The following R3HDM1 variants were observed in gnomAD, a reference collection of about 807,000 sequenced individuals.
The protein encoded by R3HDM1 is R3H domain-containing protein 1.
R3HDM1 carries 46 observed loss-of-function variants against 141.1 expected under a neutral mutation model. The ratio of observed to expected loss-of-function variants is 0.33; its 90% CI spans 0.26 to 0.42. The LOEUF is 0.42. Among genes scored for constraint, R3HDM1 ranks in the 10% least tolerant of loss-of-function variants. The pLI is 1.00. For synonymous variants in R3HDM1, 435 were observed against 472.9 expected (o/e 0.92, Z 1.04); for missense variants, 1,184 against 1,368.3 (o/e 0.87, Z 2.12).
chr2:135,720,943 T>C (rs919501210), intron 24 of R3HDM1, among the ~76,000 whole-genome samples: 1 of 152,210 alleles, frequency 6.6e-6, no homozygotes, highest in African/African-American at 2.4e-5. Flanking sequence ...CCTCAAATGA[T>C]TGGCATGTGT....
intron 1 of R3HDM1, among the ~76,000 whole-genome samples, chr2:135,572,680 G>A (rs747370131): frequency 2.0e-5 from 3 of 152,188 alleles, no homozygotes; most frequent in African/African-American, 4.8e-5. Context: ...AAATGAAAAC[G>A]TGTTCTCACA....
chr2:135,600,434 C>G (rs78304320), intron 1 of R3HDM1, among the ~76,000 whole-genome samples: 339 of 152,242 alleles, frequency 2.2e-3, no homozygotes, highest in African/African-American at 7.8e-3. Flanking sequence ...GAGAAGACAG[C>G]TAACATTTTT....
intron 1 of R3HDM1, among the ~76,000 whole-genome samples, chr2:135,548,538 G>A (rs906228442): frequency 6.6e-6 from 1 of 152,060 alleles, no homozygotes; most frequent in Non-Finnish European, 1.5e-5. Context: ...GAACATTGCT[G>A]TCACCCAAGA....
chr2:135,534,629 C>T (rs1695648055), intron 1 of R3HDM1, among the ~76,000 whole-genome samples: 1 of 152,216 alleles, frequency 6.6e-6, no homozygotes, highest in African/African-American at 2.4e-5. Flanking sequence ...TCAAGACAAG[C>T]TGCACCTTAT....
intron 19 of R3HDM1, among the ~76,000 whole-genome samples, chr2:135,661,678 T>C (rs1432496983): frequency 6.6e-6 from 1 of 152,208 alleles, no homozygotes; most frequent in Admixed American, 6.5e-5. Flanking sequence ...AGATTGAAAC[T>C]GTCTTTGCAG....
intron 19 of R3HDM1, among the ~76,000 whole-genome samples, chr2:135,661,771 T>C (rs2066749330): frequency 6.6e-6 from 1 of 152,154 alleles, no homozygotes; most frequent in Non-Finnish European, 1.5e-5. Context: ...GAAGCAAAGA[T>C]CAAAACCACC....
chr2:135,650,272 T>G (rs1050639175), intron 17 of R3HDM1: 1 of 985,238 alleles, frequency 1.0e-6, no homozygotes, highest in African/African-American at 1.7e-5. Context: ...TCCTAAGATG[T>G]TTTAGCAACT....
intron 3 of R3HDM1, chr2:135,607,957 G>T (rs2105126476): frequency 1.0e-6 from 1 of 983,382 alleles, no homozygotes; most frequent in African/African-American, 1.7e-5. Flanking sequence ...AAGAGAATGT[G>T]AGAATTTATT....
intron 1 of R3HDM1, among the ~76,000 whole-genome samples, chr2:135,563,694 A>G (rs1319670118): frequency 6.6e-6 from 1 of 152,228 alleles, no homozygotes; most frequent in African/African-American, 2.4e-5. Flanking sequence ...ACCAACCACT[A>G]AAAATAAGCT....
At chr2:135,700,828 G>A (rs888603752) in intron 21 of R3HDM1, among the ~76,000 whole-genome samples, 1 of 152,088 alleles carries the variant, frequency 6.6e-6, no homozygotes, top group African/African-American at 2.4e-5. Context: ...ACCTTTTGTG[G>A]GTGATTTCAT....
intron 21 of R3HDM1, among the ~76,000 whole-genome samples, chr2:135,683,058 T>C (rs1356169666): frequency 1.3e-5 from 2 of 152,148 alleles, no homozygotes; most frequent in Non-Finnish European, 2.9e-5. Context: ...ATGAGGCAGA[T>C]AAACTTGAAA....
At chr2:135,695,239 T>G (rs951154440) in intron 21 of R3HDM1, among the ~76,000 whole-genome samples, 1 of 152,212 alleles carries the variant, frequency 6.6e-6, no homozygotes, top group Non-Finnish European at 1.5e-5. Flanking sequence ...CACAATTTAG[T>G]CTTGACTCCA....
intron 23 of R3HDM1, among the ~76,000 whole-genome samples, chr2:135,711,677 A>C (rs1245046611): frequency 1.9e-5 from 2 of 106,394 alleles, no homozygotes; most frequent in African/African-American, 7.0e-5. Context: ...AAAAAAAAAA[A>C]CCCAGGCACA....
chr2:135,534,060 T>G, intron 1 of R3HDM1: 1 of 980,512 alleles, frequency 1.0e-6, no homozygotes, highest in Non-Finnish European at 1.2e-6. Flanking sequence ...GTACCATGGG[T>G]GTATTAATTT....
rs375588798 is a variant in R3HDM1 at position 135,651,889 on chromosome 2, C to T, written c.1885C>T (p.Pro629Ser). 3.6e-5 allele frequency: 58 copies of T among 1,613,486 alleles called. No individual in the cohort carries two copies. The highest frequency in any genetic ancestry group is 1.6e-4 in the Middle Eastern group (1 of 6,084). The change falls in exon 18 of 27, where the codon CCT becomes TCT. Residue 629 changes from proline (P) to serine (S), a missense_variant. Pro to Ser is a moderately conservative substitution (Grantham distance 74). Around this residue, in one of 5 missense-constraint regions of R3HDM1, gnomAD observed 563 missense variants for 562.0 expected, o/e 1.00. Coordinates refer to ENST00000683871, the MANE Select transcript of R3HDM1 (RefSeq NM_001378107.1). Reference protein sequence around the residue: ...IMTAAPPPHPPPPPPPPPPPP... With the variant: ...IMTAAPPPHPSPPPPPPPPPP... ...GACAGCAGCCCCTCCACCACATCCT[C>T]CTCCACCGCCACCACCACCACCTCC...
chr2:135,653,935 G>A (rs1465108633), intron 18 of R3HDM1, among the ~76,000 whole-genome samples: 2 of 152,048 alleles, frequency 1.3e-5, no homozygotes, highest in Non-Finnish European at 2.9e-5. Context: ...GTTCTTTTGT[G>A]GGGCAGGGCA....
At chr2:135,645,183 G>C in intron 15 of R3HDM1, 196 bp from the exon 16 acceptor site, 1 of 428,878 alleles carries the variant, frequency 2.3e-6, no homozygotes, top group Non-Finnish European at 3.9e-6. Flanking sequence ...ATTTAAGTGA[G>C]GGAAATAAAG....
intron 11 of R3HDM1, 33 bp downstream of exon 11, chr2:135,636,216 G>C (rs1432425371): frequency 6.3e-7 from 1 of 1,593,514 alleles, no homozygotes; most frequent in East Asian, 2.2e-5. Flanking sequence ...CTTCATGTTA[G>C]AGTATATTCT....
chr2:135,704,750 C>T (rs1469746675), intron 21 of R3HDM1, among the ~76,000 whole-genome samples: 5 of 152,170 alleles, frequency 3.3e-5, no homozygotes, highest in African/African-American at 1.2e-4. Context: ...TGAGCCACCA[C>T]ACCCAGCCTC....
Sources: gnomAD v4.1 joint callset for allele counts (sites outside exome capture counted in the v4.1 genomes callset) on GRCh38, gnomAD v4.1.1 for gene constraint, gnomAD v4.1.1 regional missense constraint, MANE v1.5 for transcripts, NCBI Gene and HGNC (gene_info 2026-07-23, HGNC 2026-07-21) for gene names.